CCDC50: variants seen among roughly 807,000 people sequenced by gnomAD.
The protein encoded by CCDC50 is coiled-coil domain containing 50, also known as coiled-coil domain-containing protein 50.
CCDC50 carries 54 observed loss-of-function variants against 70.2 expected under a neutral mutation model. The ratio of observed to expected loss-of-function variants is 0.77; its 90% CI spans 0.62 to 0.96. The LOEUF (loss-of-function observed/expected upper bound fraction) is 0.96, where lower values mean the gene tolerates loss of function less well. Among genes scored for constraint, CCDC50 ranks in the 50% least tolerant of loss-of-function variants. CCDC50 has a pLI of 0.00. For missense variants in CCDC50, 558 were observed against 578.7 expected (o/e 0.96, Z 0.37); for synonymous variants, 216 against 198.8 (o/e 1.09, Z -0.73).
intron 1 of CCDC50, among the ~76,000 whole-genome samples, chr3:191,342,769 A>G (rs1026088984): frequency 1.3e-5 from 2 of 152,236 alleles, no homozygotes; most frequent in African/African-American, 2.4e-5. Flanking sequence ...GATACATGGA[A>G]TAAAAATAAA....
chr3:191,371,991 C>G lies in CCDC50; in HGVS notation c.448+1955C>G, dbSNP rs1232985512. Reference sequence around the variant, plus strand: ...ACGTTATTATTTTAAACTGTTCAGTCTGTAAAAACATTAGGATGACAAGGA... The same window carrying G: ...ACGTTATTATTTTAAACTGTTCAGTGTGTAAAAACATTAGGATGACAAGGA... On this transcript the variant is annotated intron_variant, in intron 5 of 11. Coordinates refer to ENST00000392455, the MANE Select transcript of CCDC50 (RefSeq NM_178335.3). Among the ~76,000 whole-genome samples the G allele has an allele frequency of 3.3e-5, 5 of 152,248 alleles. No individual in the cohort carries two copies. The South Asian group carries it at 8.3e-4, about 25-fold the overall frequency.
chr3:191,357,216 T>C (rs1335582820), intron 2 of CCDC50, 66 bp downstream of exon 2: 13 of 1,310,620 alleles, frequency 9.9e-6, no homozygotes, highest in Non-Finnish European at 1.2e-5. Context: ...GAGGCTGGTT[T>C]CTTAGGGCTT....
chr3:191,343,993 A>G (rs1425057279), intron 1 of CCDC50, among the ~76,000 whole-genome samples: 1 of 152,238 alleles, frequency 6.6e-6, no homozygotes, highest in Non-Finnish European at 1.5e-5. Flanking sequence ...TAGCAAAACT[A>G]TCACATTAGG....
Position 191,392,323 on chromosome 3 carries a change from T to C in CCDC50, c.*563T>C, listed in dbSNP as rs1249316541. On this transcript the variant is annotated 3_prime_UTR_variant, in exon 12 of 12. Coordinates refer to ENST00000392455, the MANE Select transcript of CCDC50 (RefSeq NM_178335.3). ...AGATGGACTGTAGAGGTTTTGCATT[T>C]CTCAGCCCTCCTGGGGAGATTGGCC... 1 of 154,570 alleles carries C rather than the reference T, an allele frequency of 6.5e-6. No individual in the cohort carries two copies. The highest frequency in any genetic ancestry group is 2.4e-5 in the African/African-American group (1 of 41,472). The allele number at this position is 154,570 out of a possible 1,614,324, so 9.6% of individuals were successfully genotyped here. A position where few individuals can be genotyped will look rare whatever the true frequency, so the allele number is the denominator to read the frequency against.
chr3:191,356,502 C>T (rs913228619), intron 1 of CCDC50, among the ~76,000 whole-genome samples: 16 of 152,132 alleles, frequency 1.1e-4, no homozygotes, highest in African/African-American at 3.6e-4. Context: ...TAACTCATGT[C>T]CCTGGGGATT....
chr3:191,336,132 GTT>G (rs879774558), intron 1 of CCDC50, among the ~76,000 whole-genome samples: 2 of 137,152 alleles, frequency 1.5e-5, no homozygotes, highest in African/African-American at 2.7e-5. Context: ...GTGTACAAGT[GTT>G]TTTTTTTTTT....
intron 6 of CCDC50, among the ~76,000 whole-genome samples, chr3:191,378,049 G>A (rs1713178283): frequency 6.6e-6 from 1 of 152,042 alleles, no homozygotes; most frequent in South Asian, 2.1e-4. Flanking sequence ...AAAAATTTTT[G>A]TCACCTTGGG....
At position 191,395,200 on chromosome 3, in the gene CCDC50, T is replaced by C. The variant is rs1576980589; in HGVS notation, c.*3440T>C. 2 of 152,144 alleles carry C rather than the reference T, an allele frequency of 1.3e-5. No individual in the cohort carries two copies. Among genetic ancestry groups the C allele is most frequent in the African/African-American group, 4.8e-5 (2 of 41,452 alleles). 9.4% of individuals were successfully genotyped at this position (152,144 alleles called of 1,614,324 possible). On this transcript the variant is annotated 3_prime_UTR_variant, in exon 12 of 12. Transcript: ENST00000392455. ...CCTGATTCATTAACCCCGCTTTTCT[T>C]CTCTAATGTGTCCTGAAGCTGAGCT... is the stretch of plus-strand genomic sequence containing the variant.
In CCDC50 at chr3:191,398,527, A is replaced by G. The variant is rs1318937977; in HGVS notation, c.*6767A>G. Reference sequence around the variant, plus strand: ...TTATTATAATTATTATTATTTACAAAATGACCCTAATAGGTCTGTTTAGTA... The same window carrying G: ...TTATTATAATTATTATTATTTACAAGATGACCCTAATAGGTCTGTTTAGTA... On this transcript the variant is annotated 3_prime_UTR_variant, in exon 12 of 12. Transcript: ENST00000392455. 1 of 152,176 alleles carries G rather than the reference A, an allele frequency of 6.6e-6. No homozygotes were observed. Among genetic ancestry groups the G allele is most frequent in the Non-Finnish European group, 1.5e-5 (1 of 68,034 alleles). The allele number at this position is 152,176 out of a possible 1,614,324, so 9.4% of individuals were successfully genotyped here.
intron 1 of CCDC50, among the ~76,000 whole-genome samples, chr3:191,335,566 C>T (rs1305896013): frequency 6.6e-6 from 1 of 151,956 alleles, no homozygotes; most frequent in Non-Finnish European, 1.5e-5. Flanking sequence ...TTTAAAAGGA[C>T]TGTTAAGCAG....
At chr3:191,340,324 A>T (rs1315379977) in intron 1 of CCDC50, among the ~76,000 whole-genome samples, 1 of 152,236 alleles carries the variant, frequency 6.6e-6, no homozygotes, top group East Asian at 1.9e-4. Context: ...TAAAGTCCTT[A>T]TATTTCTGTA....
intron 9 of CCDC50, 39 bp from the exon 10 acceptor site, chr3:191,382,707 G>T: frequency 7.8e-7 from 1 of 1,276,692 alleles, no homozygotes; most frequent in Admixed American, 1.7e-5. Context: ...TTGTATGTGT[G>T]TGTTATTTTT....
chr3:191,348,094 A>G (rs1268798154), intron 1 of CCDC50, among the ~76,000 whole-genome samples: 1 of 142,598 alleles, frequency 7.0e-6, no homozygotes, highest in African/African-American at 2.5e-5. Context: ...ACTACGTGCT[A>G]TGAAAGCACT....
Position 191,397,837 on chromosome 3 carries a change from C to G in CCDC50, c.*6077C>G, listed in dbSNP as rs1713911010. 6.6e-6 allele frequency: 1 copy of G among 152,198 alleles called. No homozygotes were observed. Among genetic ancestry groups the G allele is most frequent in the East Asian group, 1.9e-4 (1 of 5,198 alleles). 9.4% of individuals were successfully genotyped at this position (152,198 alleles called of 1,614,324 possible). A position where few individuals can be genotyped will look rare whatever the true frequency, so the allele number is the denominator to read the frequency against. ...AGAAGAATAGGCAGCTTTGAAATAG[C>G]TAGTTCGTGGAATTGAACAGAACCT... On this transcript the variant is annotated 3_prime_UTR_variant, in exon 12 of 12. Transcript: ENST00000392455.
chr3:191,329,533 C>A lies in CCDC50; in HGVS notation c.-142C>A. ...TGGTCACCAGCCCCTGCCCGCCCGA[C>A]CCGCTCCGTTCTCCGGCCTGCGAGC... On this transcript the variant is annotated 5_prime_UTR_variant, in exon 1 of 12. Coordinates refer to ENST00000392455, the MANE Select transcript of CCDC50 (RefSeq NM_178335.3). The A allele has an allele frequency of 5.5e-6, 4 of 728,992 alleles. No homozygotes were observed. The highest frequency in any genetic ancestry group is 2.2e-5 in the South Asian group (1 of 44,796). The allele number at this position is 728,992 out of a possible 1,614,324, so 45.2% of individuals were successfully genotyped here. A position where few individuals can be genotyped will look rare whatever the true frequency, so the allele number is the denominator to read the frequency against.
At chr3:191,360,923 G>A in intron 3 of CCDC50, 146 bp from the exon 4 acceptor site, 1 of 622,184 alleles carries the variant, frequency 1.6e-6, no homozygotes, top group Non-Finnish European at 2.9e-6. Flanking sequence ...GACCGTGTCA[G>A]CCTCTTTGCA....
At chr3:191,372,983 CG>C (rs1015558316) in intron 5 of CCDC50, among the ~76,000 whole-genome samples, 15 of 151,990 alleles carry the variant, frequency 9.9e-5, no homozygotes, top group African/African-American at 3.6e-4. Flanking sequence ...ATACATATAT[CG>C]GTGTTATATG....
chr3:191,371,285 T>C (rs1268564229), intron 5 of CCDC50, among the ~76,000 whole-genome samples: 1 of 152,074 alleles, frequency 6.6e-6, no homozygotes, highest in Non-Finnish European at 1.5e-5. Context: ...GTGGTGGCAG[T>C]TGTGGTGATT....
chr3:191,387,522 CTATG>C (rs573329544), intron 10 of CCDC50, among the ~76,000 whole-genome samples: 102 of 149,974 alleles, frequency 6.8e-4, no homozygotes, highest in Non-Finnish European at 1.4e-3. Context: ...GATTTGTTCT[CTATG>C]TAACCTGAAA....
Sources: gnomAD v4.1 joint callset for allele counts (sites outside exome capture counted in the v4.1 genomes callset) on GRCh38, gnomAD v4.1.1 for gene constraint, MANE v1.5 for transcripts, NCBI Gene and HGNC (gene_info 2026-07-23, HGNC 2026-07-21) for gene names.